COL21A1: variants seen among roughly 807,000 people sequenced by gnomAD.
COL21A1 encodes collagen alpha-1(XXI) chain.
Under a neutral mutation model 137.9 loss-of-function variants are expected in COL21A1, and 149 were observed. The observed-to-expected ratio is 1.08, with a 90% CI of 0.95 to 1.24. COL21A1 has a LOEUF of 1.24. Ranked by LOEUF, COL21A1 falls within the 50% of genes most tolerant of loss-of-function variation. The pLI, the probability that COL21A1 is intolerant of heterozygous loss-of-function variation, is 0.00. For synonymous variants in COL21A1, 456 were observed against 391.5 expected (o/e 1.16, Z -1.95); for missense variants, 1,167 against 1,158.4 (o/e 1.01, Z -0.11).
intron 1 of COL21A1, among the ~76,000 whole-genome samples, chr6:56,206,224 G>A (rs1779771501): frequency 6.6e-6 from 1 of 151,402 alleles, no homozygotes; most frequent in African/African-American, 2.4e-5. Context: ...TCAGTGTGCT[G>A]TATCCAGGAG....
chr6:56,289,142 C>A (rs1196892029), intron 1 of COL21A1, among the ~76,000 whole-genome samples: 1 of 152,138 alleles, frequency 6.6e-6, no homozygotes, highest in Non-Finnish European at 1.5e-5. Flanking sequence ...CACTTGGTTG[C>A]AATTATTCAT....
chr6:56,162,529 T>G (rs953819006), intron 9 of COL21A1, among the ~76,000 whole-genome samples: 2 of 152,150 alleles, frequency 1.3e-5, no homozygotes, highest in African/African-American at 4.8e-5. Flanking sequence ...AGACATCTAT[T>G]GGACCACAAA....
chr6:56,163,838 C>G (rs1219349306), intron 9 of COL21A1, among the ~76,000 whole-genome samples: 1 of 151,962 alleles, frequency 6.6e-6, no homozygotes, highest in Non-Finnish European at 1.5e-5. Flanking sequence ...TGTATATGTA[C>G]ATTTGTATAC....
chr6:56,134,546 G>C (rs898231752), intron 12 of COL21A1, among the ~76,000 whole-genome samples: 1 of 152,190 alleles, frequency 6.6e-6, no homozygotes, highest in African/African-American at 2.4e-5. Flanking sequence ...GGCATGATTG[G>C]TTTTGAAATG....
chr6:56,300,682 C>T (rs1764258600), intron 1 of COL21A1, among the ~76,000 whole-genome samples: 1 of 152,172 alleles, frequency 6.6e-6, no homozygotes, highest in Admixed American at 6.5e-5. Context: ...CAGGCTTTGG[C>T]TTCCATTGCT....
intron 16 of COL21A1, among the ~76,000 whole-genome samples, chr6:56,112,087 T>C (rs1771480085): frequency 6.6e-6 from 1 of 152,102 alleles, no homozygotes; most frequent in African/African-American, 2.4e-5. Context: ...GGAAAGAATA[T>C]GGGTATAAAT....
intron 1 of COL21A1, among the ~76,000 whole-genome samples, chr6:56,384,026 G>A (rs1388938334): frequency 1.3e-5 from 2 of 152,080 alleles, no homozygotes; most frequent in South Asian, 2.1e-4. Context: ...ACAATTCTTA[G>A]CCCCCTTCGC....
chr6:56,092,174 ATTT>A (rs1435792438), intron 17 of COL21A1, among the ~76,000 whole-genome samples: 2 of 152,142 alleles, frequency 1.3e-5, no homozygotes, highest in East Asian at 3.9e-4. Context: ...AACAATAATT[ATTT>A]TTGTTTATGC....
chr6:56,180,546 T>C (rs1178902800), intron 2 of COL21A1, among the ~76,000 whole-genome samples: 1 of 152,216 alleles, frequency 6.6e-6, no homozygotes, highest in African/African-American at 2.4e-5. Flanking sequence ...AAGCTATTCC[T>C]TGCTTAGTAG....
chr6:56,391,521 A>C (rs1438853182), intron 1 of COL21A1, among the ~76,000 whole-genome samples: 1 of 152,172 alleles, frequency 6.6e-6, no homozygotes, highest in African/African-American at 2.4e-5. Flanking sequence ...TTTTTAAATG[A>C]ACAAAATTGA....
intron 1 of COL21A1, among the ~76,000 whole-genome samples, chr6:56,233,516 T>G (rs866267636): frequency 6.6e-6 from 1 of 151,722 alleles, no homozygotes; most frequent in African/African-American, 2.4e-5. Context: ...TAGTTGAAGA[T>G]GGAAATAGCT....
At chr6:56,086,448 G>A (rs1157427761) in intron 17 of COL21A1, among the ~76,000 whole-genome samples, 1 of 152,060 alleles carries the variant, frequency 6.6e-6, no homozygotes, top group Non-Finnish European at 1.5e-5. Flanking sequence ...TATATGTATT[G>A]TATACTATAT....
chr6:56,171,893 G>C (rs1426651226), intron 3 of COL21A1, among the ~76,000 whole-genome samples: 6 of 151,794 alleles, frequency 4.0e-5, no homozygotes, highest in Non-Finnish European at 8.8e-5. Flanking sequence ...TACTAAAGAT[G>C]ATTAATAGCA....
At chr6:56,144,597 T>G (rs780150989) in intron 10 of COL21A1, among the ~76,000 whole-genome samples, 97 of 152,226 alleles carry the variant, frequency 6.4e-4, no homozygotes, top group Non-Finnish European at 2.1e-4. Flanking sequence ...TAATCTTTCA[T>G]AAAAGATCAA....
In COL21A1 at chr6:56,179,892, T is replaced by C. The variant is rs1317583265; in HGVS notation, c.326A>G (p.Tyr109Cys). Residue 109 changes from tyrosine to cysteine, a missense_variant, in exon 3 of 30, where the codon TAC (tyrosine) becomes TGC (cysteine). Transcript: ENST00000244728. ...HLTAAVESILYLGGNTKTGKA... is the reference protein window; with the variant it reads ...HLTAAVESILCLGGNTKTGKA... ...CCCTGTCTTTGTGTTTCCTCCTAAG[T>C]AGAGTATGGATTCCACTGCTGCCGT... 1 of 1,613,772 alleles carries C rather than the reference T, an allele frequency of 6.2e-7. No homozygotes were observed. Among genetic ancestry groups the C allele is most frequent in the Non-Finnish European group, 8.5e-7 (1 of 1,179,862 alleles).
chr6:56,279,287 CCAG>C (rs2152333678), intron 1 of COL21A1, among the ~76,000 whole-genome samples: 1 of 152,194 alleles, frequency 6.6e-6, no homozygotes, highest in South Asian at 2.1e-4. Context: ...CAATCAGATG[CCAG>C]CATAATTTTT....
Position 56,269,437 on chromosome 6 carries a change from C to T in COL21A1, c.-38-86781G>A, listed in dbSNP as rs552213232. ...TTGGGAGGCCGAGGCGGGCGGATCA[C>T]GAGGTCAGGAGATCGAGACCATCCC... On this transcript the variant is annotated intron_variant, in intron 1 of 28. Transcript: ENST00000370819. Among the ~76,000 whole-genome samples, 134 of 151,754 alleles carry T rather than the reference C, an allele frequency of 8.8e-4. 1 individual carries two copies. In the East Asian group the frequency reaches 0.018, roughly 21 times the overall value.
upstream of COL21A1, among the ~76,000 whole-genome samples, chr6:56,251,739 G>A (rs1025966970): frequency 2.6e-5 from 4 of 152,172 alleles, no homozygotes; most frequent in African/African-American, 9.7e-5. Context: ...CTAAAACAGT[G>A]GCCATTCACA....
At chr6:56,300,636 T>C (rs9464374) in intron 1 of COL21A1, among the ~76,000 whole-genome samples, 46,451 of 152,028 alleles carry the variant, frequency 0.31, 7,613 homozygotes, top group Non-Finnish European at 0.36. Flanking sequence ...TCTACCATTA[T>C]TTGTTCTTGA....
Sources: gnomAD v4.1 joint callset for allele counts (sites outside exome capture counted in the v4.1 genomes callset) on GRCh38, gnomAD v4.1.1 for gene constraint, MANE v1.5 for transcripts, NCBI Gene and HGNC (gene_info 2026-07-23, HGNC 2026-07-21) for gene names.